The following PKD1L3 variants were observed in gnomAD, a reference collection of about 807,000 sequenced individuals.
PKD1L3 encodes the protein polycystin-1-like protein 3.
A neutral mutation model predicts 184.1 loss-of-function variants in PKD1L3; 239 were observed. The ratio of observed to expected loss-of-function variants is 1.30; its 90% CI spans 1.17 to 1.45. The LOEUF (loss-of-function observed/expected upper bound fraction) is 1.45, where lower values mean the gene tolerates loss of function less well. Among genes scored for constraint, PKD1L3 ranks in the 40% most tolerant of loss-of-function variants. The probability of loss-of-function intolerance (pLI) is 0.00; values close to 1 mark genes in which losing one functional copy is unlikely to be tolerated. For synonymous variants in PKD1L3, 996 were observed against 778.8 expected, an observed-to-expected ratio of 1.28 and a Z score of -4.64; for missense variants, 2,660 against 2,067.2, an observed-to-expected ratio of 1.29 and a Z score of -5.56.
chr16:71,988,280 C>T (rs1025609115), intron 4 of PKD1L3, among the ~76,000 whole-genome samples: 6 of 152,244 alleles, frequency 3.9e-5, no homozygotes, highest in East Asian at 3.9e-4. Context: ...CCGCAACCTC[C>T]ACCTCCCAGG....
intron 16 of PKD1L3, among the ~76,000 whole-genome samples, chr16:71,958,743 T>A (rs1269562863): frequency 7.4e-6 from 1 of 135,904 alleles, no homozygotes; most frequent in Non-Finnish European, 1.5e-5. Context: ...ATCATGTCAC[T>A]GCACTCCAGC....
chr16:71,960,163 A>G (rs907245354), intron 16 of PKD1L3, among the ~76,000 whole-genome samples: 1 of 151,464 alleles, frequency 6.6e-6, no homozygotes, highest in Non-Finnish European at 1.5e-5. Flanking sequence ...GAGGCAGAGA[A>G]CCTTAAAAAA....
rs2038469082 is a variant in PKD1L3, at chr16:71,944,152, A to G, written c.3737T>C (p.Val1246Ala). ...LALLAKCSSS[V>A]PGSRDKNNPV... ...GTTGTTCTTATCTCTTGAACCTGGT[A>G]CTGACGAAGAACATTTTGCTGTCAA... Residue 1246 changes from valine to alanine, a missense_variant, in exon 23 of 30, where the codon GTA becomes GCA. Coordinates refer to ENST00000620267, the MANE Select transcript of PKD1L3 (RefSeq NM_181536.2). The G allele has an allele frequency of 6.5e-7, 1 of 1,550,058 alleles. No homozygotes were observed.
At chr16:71,971,602 A>C (rs1232534191) in intron 12 of PKD1L3, among the ~76,000 whole-genome samples, 1 of 152,208 alleles carries the variant, frequency 6.6e-6, no homozygotes, top group East Asian at 1.9e-4. Context: ...GTGAGAGGAG[A>C]AAAGCTCTCA....
intron 24 of PKD1L3, among the ~76,000 whole-genome samples, chr16:71,940,118 C>CT (rs2038309667): frequency 3.9e-5 from 4 of 103,304 alleles, no homozygotes; most frequent in Non-Finnish European, 7.7e-5. Context: ...AACTGAAAGT[C>CT]AATATATATA....
chr16:71,944,265 A>G, intron 22 of PKD1L3, 95 bp from the exon 23 acceptor site: 1 of 1,189,168 alleles, frequency 8.4e-7, no homozygotes, highest in Non-Finnish European at 1.2e-6. Flanking sequence ...ACCTCCTTTT[A>G]AATGTTAAAC....
chr16:71,996,230 T>G (rs2040777508), intron 2 of PKD1L3, among the ~76,000 whole-genome samples: 1 of 146,006 alleles, frequency 6.8e-6, no homozygotes, highest in South Asian at 2.2e-4. Flanking sequence ...TAAGAATCCC[T>G]CACATTGACC....
chr16:71,969,041 C>A (rs565203587), intron 13 of PKD1L3, among the ~76,000 whole-genome samples: 5 of 152,158 alleles, frequency 3.3e-5, no homozygotes, highest in Non-Finnish European at 7.3e-5. Flanking sequence ...AGCAATTCTC[C>A]TGCCTCAGCC....
At chr16:71,931,935 C>A (rs1377367255) in intron 28 of PKD1L3, among the ~76,000 whole-genome samples, 1 of 152,144 alleles carries the variant, frequency 6.6e-6, no homozygotes, top group Non-Finnish European at 1.5e-5. Context: ...GCTCAGAGGG[C>A]AGTGGGATGA....
At chr16:71,930,570 C>T (rs1033272080) in intron 28 of PKD1L3, 1 of 156,066 alleles carries the variant, frequency 6.4e-6, no homozygotes, top group Non-Finnish European at 1.4e-5. Context: ...ACTGTCTCTG[C>T]CATATCAAGA....
At chr16:71,951,840 A>C in intron 18 of PKD1L3, 96 bp from the exon 19 acceptor site, 1 of 1,158,728 alleles carries the variant, frequency 8.6e-7, no homozygotes, top group South Asian at 1.6e-5. Flanking sequence ...TTTCGTCAGA[A>C]GGGGATATGC....
chr16:71,930,211 T>C, intron 28 of PKD1L3, 28 bp from the exon 29 acceptor site: 2 of 1,519,702 alleles, frequency 1.3e-6, no homozygotes, highest in East Asian at 4.9e-5. Flanking sequence ...ACACTTGCAG[T>C]GACTGACAAT....
intron 21 of PKD1L3, among the ~76,000 whole-genome samples, chr16:71,949,212 T>G (rs1266827081): frequency 1.3e-5 from 2 of 152,122 alleles, no homozygotes; most frequent in Non-Finnish European, 2.9e-5. Flanking sequence ...TGTTGTTTAT[T>G]TTTTTCAAAG....
chr16:71,972,566 C>A (rs2039756940), intron 12 of PKD1L3, among the ~76,000 whole-genome samples: 1 of 152,060 alleles, frequency 6.6e-6, no homozygotes, highest in Admixed American at 6.6e-5. Flanking sequence ...TGCCTGTGGT[C>A]CTCATTACTT....
Position 71,952,880 on chromosome 16 carries a change from G to A in PKD1L3, c.3009+14C>T, listed in dbSNP as rs773332408. 7.2e-6 allele frequency: 11 copies of A among 1,526,054 alleles called. No homozygotes were observed. The highest frequency in any genetic ancestry group is 1.4e-5 in the African/African-American group (1 of 71,250). 94.5% of individuals were successfully genotyped at this position (1,526,054 alleles called of 1,614,324 possible). On this transcript the variant is annotated intron_variant, in intron 18 of 29. Coordinates refer to ENST00000620267, the MANE Select transcript of PKD1L3 (RefSeq NM_181536.2). ...AATAAAATAAGATAAAATAAAATTT[G>A]ATACCAATCTTACCTCAACTACCAT... is the stretch of plus-strand genomic sequence containing the variant.
intron 2 of PKD1L3, among the ~76,000 whole-genome samples, chr16:71,994,983 C>T (rs1371838888): frequency 6.6e-6 from 1 of 151,870 alleles, no homozygotes; most frequent in African/African-American, 2.4e-5. Context: ...AGTAAAACTC[C>T]ATCTCAAGAA....
intron 13 of PKD1L3, 141 bp downstream of exon 13, chr16:71,969,734 A>T: frequency 1.3e-6 from 1 of 766,012 alleles, no homozygotes; most frequent in South Asian, 2.0e-5. Flanking sequence ...CACGAAGATA[A>T]ATTTAAGAAA....
chr16:71,999,789 T>C lies in PKD1L3; in HGVS notation c.190A>G (p.Lys64Glu), dbSNP rs747703563. 5 of 1,551,646 alleles carry C rather than the reference T, an allele frequency of 3.2e-6. No individual in the cohort carries two copies. Among genetic ancestry groups the C allele is most frequent in the Admixed American group, 2.0e-5 (1 of 50,984 alleles). ...QRGFLAHIWN[K>E]EVQDLIRDYL... is the part of the protein sequence containing the mutation. ...TCCCGGATGAGATCTTGAACTTCCT[T>C]GTTCCAAATATGAGCTAGGAATCCT... The change falls in exon 1 of 30, where the codon AAG becomes GAG. Residue 64 changes from lysine to glutamate, a missense_variant. By Grantham distance (56) the Lys-to-Glu change is moderately conservative (BLOSUM62 1). Transcript: ENST00000620267.
chr16:71,951,263 C>A (rs893199512), intron 19 of PKD1L3, among the ~76,000 whole-genome samples: 2 of 152,216 alleles, frequency 1.3e-5, no homozygotes, highest in Admixed American at 6.5e-5. Context: ...TGGCCCTGAT[C>A]TCCTGACCTC....
Sources: gnomAD v4.1 joint callset for allele counts (sites outside exome capture counted in the v4.1 genomes callset) on GRCh38, gnomAD v4.1.1 for gene constraint, MANE v1.5 for transcripts, NCBI Gene and HGNC (gene_info 2026-07-23, HGNC 2026-07-21) for gene names.